The following PTPRD variants were observed in gnomAD, a reference collection of about 807,000 sequenced individuals.
The protein encoded by PTPRD is receptor-type tyrosine-protein phosphatase delta.
In PTPRD, 34 loss-of-function variants were observed where a neutral mutation model predicts 214.5. The ratio of observed to expected loss-of-function variants is 0.16; its 90% CI spans 0.12 to 0.21. The LOEUF is 0.21. Among genes scored for constraint, PTPRD ranks in the 10% least tolerant of loss-of-function variants. The pLI is 1.00. For missense variants in PTPRD, 2,545 were observed against 2,398.7 expected, an observed-to-expected ratio of 1.06 and a Z score of -1.27; for synonymous variants, 1,128 against 845.7, an observed-to-expected ratio of 1.33 and a Z score of -5.79.
intron 4 of PTPRD, among the ~76,000 whole-genome samples, 192 bp from the exon 5 acceptor site, chr9:9,938,802 G>A (rs1372897481): frequency 3.3e-5 from 5 of 151,906 alleles, no homozygotes; most frequent in African/African-American, 9.7e-5. Flanking sequence ...TAAGTCAAAG[G>A]GACCATCTAT....
At chr9:9,724,176 T>C (rs1272436780) in intron 7 of PTPRD, among the ~76,000 whole-genome samples, 2 of 152,180 alleles carry the variant, frequency 1.3e-5, no homozygotes, top group Non-Finnish European at 2.9e-5. Context: ...TTAGAAAATG[T>C]GAATTGTACA....
At chr9:8,501,465 G>A (rs2097405139) in intron 23 of PTPRD, among the ~76,000 whole-genome samples, 1 of 152,088 alleles carries the variant, frequency 6.6e-6, no homozygotes, top group African/African-American at 2.4e-5. Context: ...GTCTGATGAT[G>A]CCTCACAGAT....
At chr9:9,918,173 C>T (rs547386910) in intron 5 of PTPRD, among the ~76,000 whole-genome samples, 1 of 151,842 alleles carries the variant, frequency 6.6e-6, no homozygotes, top group South Asian at 2.1e-4. Context: ...TACCAAAAAT[C>T]TCAGACTTGA....
At position 9,899,244 on chromosome 9, in the gene PTPRD, T is replaced by A. The variant is rs60574788; in HGVS notation, c.-368+39263A>T. On this transcript the variant is annotated intron_variant, in intron 5 of 45. Transcript: ENST00000381196. ...AGATGAAAGAACTCATAGATCTAAA[T>A]AATGGAGAGTGTGAAGAGAGACTAT... Among the ~76,000 whole-genome samples, 637 of 152,046 alleles carry A rather than the reference T, an allele frequency of 4.2e-3. 6 individuals carry two copies. The highest frequency in any genetic ancestry group is 0.015 in the African/African-American group (610 of 41,502).
At chr9:10,545,162 T>G (rs2059927362) in intron 2 of PTPRD, among the ~76,000 whole-genome samples, 1 of 152,320 alleles carries the variant, frequency 6.6e-6, no homozygotes, top group East Asian at 1.9e-4. Flanking sequence ...GGAGCCCCTC[T>G]TTCATACAAG....
intron 11 of PTPRD, among the ~76,000 whole-genome samples, chr9:8,807,762 T>C (rs1344460380): frequency 6.6e-6 from 1 of 152,186 alleles, no homozygotes; most frequent in Non-Finnish European, 1.5e-5. Flanking sequence ...CCAACGAGTG[T>C]GGTCTGCTCC....
chr9:8,926,112 G>A (rs1169482842), intron 11 of PTPRD, among the ~76,000 whole-genome samples: 1 of 151,902 alleles, frequency 6.6e-6, no homozygotes, highest in African/African-American at 2.4e-5. Context: ...CTTCTTGCAG[G>A]CCCTTAACAT....
chr9:10,045,753 T>C (rs1024553718), intron 3 of PTPRD, among the ~76,000 whole-genome samples: 2 of 151,696 alleles, frequency 1.3e-5, no homozygotes, highest in South Asian at 2.1e-4. Flanking sequence ...AGATAACATA[T>C]CTCATAACAA....
In PTPRD at chr9:8,500,826, T is replaced by C. The variant is rs2097387022; in HGVS notation, c.2056A>G (p.Thr686Ala). The change falls in exon 24 of 46, where the codon ACT (threonine) becomes GCT (alanine). Residue 686 changes from threonine to alanine, a missense_variant. Transcript: ENST00000381196. ...QLEKWTEYRI[T>A]VTAHTDVGPG... ...CCGACATCTGTATGGGCTGTCACAG[T>C]GATCCGGTATTCAGTCCATTTTTCC... 5 of 1,614,180 alleles carry C rather than the reference T, an allele frequency of 3.1e-6. No individual in the cohort carries two copies. The East Asian group carries it at 1.1e-4, about 36-fold the overall frequency.
chr9:8,660,220 T>C (rs1313355114), intron 12 of PTPRD, among the ~76,000 whole-genome samples: 1 of 151,420 alleles, frequency 6.6e-6, no homozygotes, highest in South Asian at 2.1e-4. Flanking sequence ...CAGGCACATA[T>C]CCTATAGAAG....
chr9:9,969,550 C>A (rs956968107), intron 4 of PTPRD, among the ~76,000 whole-genome samples: 1 of 152,214 alleles, frequency 6.6e-6, no homozygotes, highest in Non-Finnish European at 1.5e-5. Flanking sequence ...GAGTCACTTT[C>A]AGGACTTCTC....
intron 11 of PTPRD, among the ~76,000 whole-genome samples, chr9:8,829,969 G>A (rs1428935015): frequency 6.6e-6 from 1 of 152,064 alleles, no homozygotes; most frequent in Non-Finnish European, 1.5e-5. Context: ...TGAGACAACA[G>A]ACCTTTCAGA....
Position 8,330,989 on chromosome 9 carries a change from A to ACTATTTACTTG in PTPRD, c.5534+582_5534+592dup, listed in dbSNP as rs1262218606. On this transcript the variant is annotated intron_variant, in intron 44 of 45. Transcript: ENST00000381196. ...CACTAAATTTATGGTGAATGTCTGA[A>ACTATTTACTTG]CTATTTACTTGCTATTTATTTCTAT... 9.9e-5 allele frequency among the ~76,000 whole-genome samples: 15 copies of ACTATTTACTTG among 152,268 alleles called. No homozygotes were observed. The East Asian group carries it at 1.2e-3, about 12-fold the overall frequency.
At chr9:9,323,871 G>A (rs540669657) in intron 9 of PTPRD, among the ~76,000 whole-genome samples, 1 of 152,246 alleles carries the variant, frequency 6.6e-6, no homozygotes, top group African/African-American at 2.4e-5. Context: ...GCCCTGGTGT[G>A]TGATGTTCCC....
chr9:8,817,272 C>A lies in PTPRD; in HGVS notation c.-103-83326G>T, dbSNP rs181086900. 2.5e-3 allele frequency among the ~76,000 whole-genome samples: 373 copies of A among 152,186 alleles called. 1 individual carries two copies. Among genetic ancestry groups the A allele is most frequent in the African/African-American group, 8.5e-3 (352 of 41,510 alleles). On this transcript the variant is annotated intron_variant, in intron 11 of 45. Coordinates refer to ENST00000381196, the MANE Select transcript of PTPRD (RefSeq NM_002839.4). ...AGTAATCTGACACTCAGCTCCAGAG[C>A]CAATGGATTTTATAAGAAATGGACA...
chr9:10,548,229 C>A (rs1434918461), intron 2 of PTPRD, among the ~76,000 whole-genome samples: 2 of 152,052 alleles, frequency 1.3e-5, no homozygotes, highest in African/African-American at 2.4e-5. Context: ...AGAACATATG[C>A]GGAATGAGCT....
chr9:8,599,613 CTTTTTTTTTTTTTTTTTTT>C (rs1172437057), intron 14 of PTPRD, among the ~76,000 whole-genome samples: 4 of 53,428 alleles, frequency 7.5e-5, no homozygotes, highest in Non-Finnish European at 1.5e-4. Context: ...CCCGCCCACC[CTTTTTTTTTTTTTTTTTTT>C]TTTTTTTTGA....
At chr9:10,318,134 T>C (rs1263528920) in intron 3 of PTPRD, among the ~76,000 whole-genome samples, 1 of 152,050 alleles carries the variant, frequency 6.6e-6, no homozygotes, top group Non-Finnish European at 1.5e-5. Context: ...AAGTCATGAC[T>C]ATTGCAATAT....
At chr9:8,553,010 G>C (rs1371004771) in intron 14 of PTPRD, among the ~76,000 whole-genome samples, 6 of 152,168 alleles carry the variant, frequency 3.9e-5, no homozygotes, top group Non-Finnish European at 7.3e-5. Context: ...ACAGACCCAA[G>C]AGAGAGACAG....
Sources: gnomAD v4.1 joint callset for allele counts (sites outside exome capture counted in the v4.1 genomes callset) on GRCh38, gnomAD v4.1.1 for gene constraint, MANE v1.5 for transcripts, NCBI Gene and HGNC (gene_info 2026-07-23, HGNC 2026-07-21) for gene names.